TFAP2D: variants seen among roughly 807,000 people sequenced by gnomAD.
TFAP2D encodes transcription factor AP-2-delta.
A neutral mutation model predicts 43.6 loss-of-function variants in TFAP2D; 9 were observed. The ratio of observed to expected loss-of-function variants is 0.21; its 90% CI spans 0.12 to 0.36. The LOEUF is 0.36. Among genes scored for constraint, TFAP2D ranks in the 10% least tolerant of loss-of-function variants. TFAP2D has a pLI of 1.00. For synonymous variants in TFAP2D, 256 were observed against 224.9 expected, an observed-to-expected ratio of 1.14 and a Z score of -1.24; for missense variants, 513 against 561.4, an observed-to-expected ratio of 0.91 and a Z score of 0.87.
chr6:50,767,731 G>T (rs893758732), intron 7 of TFAP2D, among the ~76,000 whole-genome samples: 1 of 152,152 alleles, frequency 6.6e-6, no homozygotes, highest in Non-Finnish European at 1.5e-5. Context: ...TAGGAATAAC[G>T]GTCATGTTTG....
At chr6:50,740,224 C>T (rs1386394560) in intron 5 of TFAP2D, among the ~76,000 whole-genome samples, 3 of 152,070 alleles carry the variant, frequency 2.0e-5, no homozygotes, top group Non-Finnish European at 4.4e-5. Context: ...TTGTTATTTT[C>T]ATTTAATAAC....
intron 7 of TFAP2D, among the ~76,000 whole-genome samples, chr6:50,754,237 T>C (rs958783469): frequency 2.6e-5 from 4 of 151,980 alleles, no homozygotes; most frequent in African/African-American, 9.7e-5. Flanking sequence ...TGCCTTTTTG[T>C]AACTGGCTTA....
At chr6:50,733,655 T>G (rs1294915784) in intron 5 of TFAP2D, among the ~76,000 whole-genome samples, 1 of 152,150 alleles carries the variant, frequency 6.6e-6, no homozygotes, top group Non-Finnish European at 1.5e-5. Context: ...CTCCATATTT[T>G]ACTTCAGAAG....
intron 7 of TFAP2D, among the ~76,000 whole-genome samples, chr6:50,756,780 G>A (rs1206285624): frequency 6.6e-6 from 1 of 152,020 alleles, no homozygotes; most frequent in East Asian, 1.9e-4. Flanking sequence ...GACATCTGCA[G>A]AAGACCCCAT....
In TFAP2D at chr6:50,713,923, A is replaced by T. The variant is rs1768569483; in HGVS notation, c.-133A>T. 1 of 1,367,206 alleles carries T rather than the reference A, an allele frequency of 7.3e-7. No homozygotes were observed. 84.7% of individuals were successfully genotyped at this position (1,367,206 alleles called of 1,614,324 possible). Reference sequence around the variant, plus strand: ...TATCTGATCCGGGCAAAACCATTACAATTTAGATATCTACCTATAGAACAT... The same window carrying T: ...TATCTGATCCGGGCAAAACCATTACTATTTAGATATCTACCTATAGAACAT... On this transcript the variant is annotated 5_prime_UTR_variant, in exon 1 of 8. Coordinates refer to ENST00000008391, the MANE Select transcript of TFAP2D (RefSeq NM_172238.4).
At chr6:50,755,361 A>G (rs1351768730) in intron 7 of TFAP2D, among the ~76,000 whole-genome samples, 1 of 151,898 alleles carries the variant, frequency 6.6e-6, no homozygotes, top group African/African-American at 2.4e-5. Flanking sequence ...TTAGCCTTGA[A>G]ATATACTCTG....
intron 3 of TFAP2D, among the ~76,000 whole-genome samples, chr6:50,722,177 G>A (rs1478711201): frequency 6.6e-6 from 1 of 152,192 alleles, no homozygotes; most frequent in African/African-American, 2.4e-5. Flanking sequence ...TGCCTCGGAG[G>A]CGCAGCTCCC....
chr6:50,743,739 T>C (rs1769086228), intron 5 of TFAP2D, among the ~76,000 whole-genome samples: 1 of 152,148 alleles, frequency 6.6e-6, no homozygotes, highest in African/African-American at 2.4e-5. Flanking sequence ...TCCCTTTTCT[T>C]CATATTATCA....
In TFAP2D at chr6:50,715,630, C is replaced by T. The variant is rs373771115; in HGVS notation, c.537+17C>T. 1.1e-5 allele frequency: 17 copies of T among 1,576,194 alleles called. No individual in the cohort carries two copies. In the East Asian group the frequency reaches 1.4e-4, roughly 13 times the overall value. On this transcript the variant is annotated intron_variant, in intron 2 of 7. Transcript: ENST00000008391. ...GACTTGCAGGTAAATAAGCATGCAG[C>T]GAATTTGTCTGCTCCCTCCCCTCTT...
intron 4 of TFAP2D, 74 bp downstream of exon 4, chr6:50,729,095 C>A (rs1283569038): frequency 6.2e-7 from 1 of 1,602,322 alleles, no homozygotes; most frequent in Non-Finnish European, 8.5e-7. Flanking sequence ...GTCATGATGT[C>A]TTCCATCTGA....
chr6:50,730,992 G>A (rs970497022), intron 5 of TFAP2D, among the ~76,000 whole-genome samples: 3 of 151,988 alleles, frequency 2.0e-5, no homozygotes, highest in Non-Finnish European at 4.4e-5. Context: ...CAGTACTAAC[G>A]GAAGACCCAC....
chr6:50,736,879 G>A (rs1345512052), intron 5 of TFAP2D, among the ~76,000 whole-genome samples: 4 of 152,120 alleles, frequency 2.6e-5, no homozygotes, highest in South Asian at 2.1e-4. Context: ...TAAAAATAAC[G>A]TTTGAATTCT....
chr6:50,737,162 G>T (rs1374772761), intron 5 of TFAP2D, among the ~76,000 whole-genome samples: 1 of 152,008 alleles, frequency 6.6e-6, no homozygotes, highest in African/African-American at 2.4e-5. Flanking sequence ...TGATTTTTTG[G>T]TGGAGATGGG....
At chr6:50,746,857 T>C (rs895670914) in intron 6 of TFAP2D, among the ~76,000 whole-genome samples, 6 of 152,172 alleles carry the variant, frequency 3.9e-5, no homozygotes, top group African/African-American at 9.6e-5. Flanking sequence ...ATTTATCTAT[T>C]GCTGTTCTGA....
chr6:50,717,446 C>T (rs1581756750), intron 2 of TFAP2D, among the ~76,000 whole-genome samples: 1 of 152,306 alleles, frequency 6.6e-6, no homozygotes. Context: ...GAAAGTGATT[C>T]ACTGCTTTGG....
chr6:50,731,371 A>G (rs1380259745), intron 5 of TFAP2D, among the ~76,000 whole-genome samples: 1 of 151,980 alleles, frequency 6.6e-6, no homozygotes, highest in Non-Finnish European at 1.5e-5. Context: ...ATGAAACCTT[A>G]GAAAACAGAT....
intron 7 of TFAP2D, among the ~76,000 whole-genome samples, chr6:50,755,049 A>G (rs561573430): frequency 6.6e-6 from 1 of 152,054 alleles, no homozygotes; most frequent in Admixed American, 6.6e-5. Flanking sequence ...AATGCAGTAA[A>G]GCTTTCCTGT....
intron 7 of TFAP2D, among the ~76,000 whole-genome samples, chr6:50,766,769 C>T (rs918011511): frequency 1.0e-4 from 15 of 144,998 alleles, no homozygotes; most frequent in East Asian, 2.2e-4. Flanking sequence ...CCCGGGTTCA[C>T]GCCATTCTCC....
intron 2 of TFAP2D, 69 bp downstream of exon 2, chr6:50,715,682 G>A: frequency 1.3e-6 from 2 of 1,494,118 alleles, no homozygotes; most frequent in Non-Finnish European, 1.8e-6. Context: ...CCCCATTAAT[G>A]CTCCGACTGT....
Sources: gnomAD v4.1 joint callset for allele counts (sites outside exome capture counted in the v4.1 genomes callset) on GRCh38, gnomAD v4.1.1 for gene constraint, MANE v1.5 for transcripts, NCBI Gene and HGNC (gene_info 2026-07-23, HGNC 2026-07-21) for gene names.